HPSE: variants seen among roughly 807,000 people sequenced by gnomAD.
The protein encoded by HPSE is heparanase, also known as endo-glucoronidase.
HPSE carries 48 observed loss-of-function variants against 65.1 expected under a neutral mutation model. The ratio of observed to expected loss-of-function variants is 0.74; its 90% confidence interval spans 0.58 to 0.94. The LOEUF is 0.94. Ranked by LOEUF, HPSE falls within the 40% of genes least tolerant of loss-of-function variation. The pLI is 0.00. For synonymous variants in HPSE, 243 were observed against 260.0 expected, an observed-to-expected ratio of 0.93 and a Z score of 0.63; for missense variants, 644 against 637.5, an observed-to-expected ratio of 1.01 and a Z score of -0.11.
chr4:83,313,127 C>T lies in HPSE; in HGVS notation c.660G>A (p.Trp220Ter), dbSNP rs1466294156. 7.4e-6 allele frequency: 12 copies of T among 1,612,226 alleles called. No homozygotes were observed. ...YCSSKGYNIS[W>*]ELGNEPNSFL... ...TGGGGTACTCACCATTGCCTAGTTC[C>T]CAAGAAATGTTATACCCCTTGGAAG... is the stretch of plus-strand genomic sequence containing the variant. The change falls in exon 4 of 12, where the codon TGG becomes TGA. Residue 220 changes from tryptophan to a stop codon, truncating the protein, a stop_gained. Transcript: ENST00000311412. LOFTEE classifies it high-confidence loss of function.
In HPSE at chr4:83,313,250, G is replaced by A. The variant is rs1736488802; in HGVS notation, c.537C>T (p.Cys179=). The part of the protein sequence containing the change: ...SVDVLYTFAN[C]SGLDLIFGLN... ...GGCCAAAGATCAAGTCCAGTCCTGA[G>A]CAGTTTGCAAAAGTGTATAGCACAT... is the stretch of plus-strand genomic sequence containing the variant. The change falls in exon 4 of 12, where the codon TGC becomes TGT. Residue 179 remains cysteine, a synonymous_variant. Transcript: ENST00000311412. 7 of 1,613,760 alleles carry A rather than the reference G, an allele frequency of 4.3e-6. No individual in the cohort carries two copies. Among genetic ancestry groups the A allele is most frequent in the Non-Finnish European group, 5.9e-6 (7 of 1,179,930 alleles).
intron 11 of HPSE, among the ~76,000 whole-genome samples, chr4:83,299,133 G>A (rs1187790104): frequency 6.6e-6 from 1 of 151,912 alleles, no homozygotes; most frequent in Non-Finnish European, 1.5e-5. Flanking sequence ...GGAGGCTAAG[G>A]CAGGTGGATC....
At chr4:83,313,508 A>T (rs1337871322) in intron 3 of HPSE, among the ~76,000 whole-genome samples, 1 of 152,220 alleles carries the variant, frequency 6.6e-6, no homozygotes, top group African/African-American at 2.4e-5. Context: ...CCCATGGAAG[A>T]TACCAGAAGC....
intron 1 of HPSE, among the ~76,000 whole-genome samples, chr4:83,328,888 T>C (rs1485591532): frequency 2.6e-5 from 4 of 151,676 alleles, no homozygotes. Flanking sequence ...AGGGCAGAAA[T>C]GGAAGAAGCA....
intron 1 of HPSE, among the ~76,000 whole-genome samples, chr4:83,331,352 T>C (rs1737363695): frequency 6.6e-6 from 1 of 152,222 alleles, no homozygotes; most frequent in African/African-American, 2.4e-5. Flanking sequence ...ACATTTTGGA[T>C]CTATTGAACT....
In HPSE at chr4:83,293,839, C is replaced by T. The variant is rs1207674481; in HGVS notation, c.*1505G>A. On this transcript the variant is annotated 3_prime_UTR_variant, in exon 12 of 12. Coordinates refer to ENST00000311412, the MANE Select transcript of HPSE (RefSeq NM_001098540.3). ...AAAGAAGAAAATCAGCAAAATCTAG[C>T]TGTCTTTTAAGGTGCAAATAGATAG... 6.6e-6 allele frequency: 1 copy of T among 152,174 alleles called. No homozygotes were observed. Among genetic ancestry groups the T allele is most frequent in the African/African-American group, 2.4e-5 (1 of 41,438 alleles). 9.4% of individuals were successfully genotyped at this position (152,174 alleles called of 1,614,324 possible). A position where few individuals can be genotyped will look rare whatever the true frequency, so the allele number is the denominator to read the frequency against.
In HPSE at chr4:83,301,013, C is replaced by G. The variant is rs940160529; in HGVS notation, c.1419G>C (p.Lys473Asn). 3.1e-6 allele frequency: 5 copies of G among 1,609,066 alleles called. No homozygotes were observed. Among genetic ancestry groups the G allele is most frequent in the Non-Finnish European group, 4.2e-6 (5 of 1,176,512 alleles). Residue 473 changes from lysine (K) to asparagine (N), a missense_variant, in exon 11 of 12, where the codon AAG becomes AAC. Physicochemically the swap from Lys to Asn is moderately conservative, Grantham distance 94. Coordinates refer to ENST00000311412, the MANE Select transcript of HPSE (RefSeq NM_001098540.3). ...YLRLPYPFSN[K>N]QVDKYLLRPL... is the part of the protein sequence containing the mutation. ...GTCTTAGAAGGTATTTATCCACTTG[C>G]TTGTTAGAAAAAGGATAGGGTAACC...
chr4:83,322,108 G>A, intron 2 of HPSE, 111 bp downstream of exon 2: 1 of 855,976 alleles, frequency 1.2e-6, no homozygotes, highest in Non-Finnish European at 1.8e-6. Flanking sequence ...TGAGGGGAGA[G>A]GAAGTTAATC....
rs772045282 is a variant in HPSE at position 83,301,033 on chromosome 4, G to A, written c.1399C>T (p.Pro467Ser). 69 of 1,606,204 alleles carry A rather than the reference G, an allele frequency of 4.3e-5. No individual in the cohort carries two copies. Among genetic ancestry groups the A allele is most frequent in the Non-Finnish European group, 5.5e-5 (65 of 1,174,018 alleles). ...ACTTGCTTGTTAGAAAAAGGATAGG[G>A]TAACCGCAAGTACTTGGTGACATTA... ...LHNVTKYLRL[P>S]YPFSNKQVDK... Residue 467 changes from proline to serine, a missense_variant, in exon 11 of 12, where the codon CCC (proline) becomes TCC (serine). Transcript: ENST00000311412.
Position 83,310,703 on chromosome 4 carries a change from T to C in HPSE, c.842+19A>G. On this transcript the variant is annotated intron_variant, in intron 5 of 11. Coordinates refer to ENST00000311412, the MANE Select transcript of HPSE (RefSeq NM_001098540.3). ...AAAAAGAAGAAAAGTAAAGTGATTC[T>C]GCATCCTCTAGTTCCTACCTCTTCA... 6.3e-7 allele frequency: 1 copy of C among 1,584,086 alleles called. No individual in the cohort carries two copies. The highest frequency in any genetic ancestry group is 1.1e-5 in the South Asian group (1 of 87,658).
At position 83,310,754 on chromosome 4, in the gene HPSE, C is replaced by T; in HGVS notation, c.810G>A (p.Gln270=). Residue 270 remains glutamine (Q), a synonymous_variant, in exon 5 of 12, where the codon CAG becomes CAA. Transcript: ENST00000311412. ...NAKLYGPDVG[Q]PRRKTAKMLK... ...GCATCTTAGCCGTCTTTCTTCGAGG[C>T]TGACCAACATCAGGACCATAGAGTT... The T allele has an allele frequency of 1.2e-6, 2 of 1,613,546 alleles. No individual in the cohort carries two copies. Among genetic ancestry groups the T allele is most frequent in the Non-Finnish European group, 8.5e-7 (1 of 1,179,820 alleles).
chr4:83,334,592 T>C lies in HPSE; in HGVS notation c.191A>G (p.Asn64Ser). The change falls in exon 1 of 12, where the codon AAC becomes AGC. Residue 64 changes from asparagine (N) to serine (S), a missense_variant. Physicochemically the swap from Asn to Ser is conservative, Grantham distance 46. Coordinates refer to ENST00000311412, the MANE Select transcript of HPSE (RefSeq NM_001098540.3). Reference sequence around the variant, plus strand: ...GAGGAACCGCGGGTCCGTGGCCAGGTTGGCGTCAATGGTGACGGACAGGAA... The same window carrying C: ...GAGGAACCGCGGGTCCGTGGCCAGGCTGGCGTCAATGGTGACGGACAGGAA... ...PSFLSVTIDA[N>S]LATDPRFLIL... The C allele has an allele frequency of 6.3e-7, 1 of 1,591,844 alleles. No homozygotes were observed. The highest frequency in any genetic ancestry group is 8.6e-7 in the Non-Finnish European group (1 of 1,169,294).
chr4:83,322,202 T>A lies in HPSE; in HGVS notation c.373+17A>T, dbSNP rs1736926596. 3 of 1,604,794 alleles carry A rather than the reference T, an allele frequency of 1.9e-6. No homozygotes were observed. Among genetic ancestry groups the A allele is most frequent in the Non-Finnish European group, 1.7e-6 (2 of 1,173,364 alleles). On this transcript the variant is annotated intron_variant, in intron 2 of 11. Coordinates refer to ENST00000311412, the MANE Select transcript of HPSE (RefSeq NM_001098540.3). ...GACGTTAATTAAAATATAGAGTGAA[T>A]CTTTAAAAATTTTCACCCTGGTTGA...
At chr4:83,298,170 GT>G (rs1735802031) in intron 11 of HPSE, among the ~76,000 whole-genome samples, 1 of 152,280 alleles carries the variant, frequency 6.6e-6, no homozygotes, top group Admixed American at 6.5e-5. Context: ...TGGGTATAGT[GT>G]TTTATTTTAT....
chr4:83,320,217 C>A (rs753068202), intron 2 of HPSE, among the ~76,000 whole-genome samples: 1 of 151,872 alleles, frequency 6.6e-6, no homozygotes, highest in Non-Finnish European at 1.5e-5. Context: ...GACTTTTTTT[C>A]GCTTTGAATT....
Position 83,301,013 on chromosome 4 carries a change from CT to C in HPSE, c.1418del (p.Lys473SerfsTer8). On this transcript the variant is annotated frameshift_variant, in exon 11 of 12. Transcript: ENST00000311412. LOFTEE classifies it high-confidence loss of function. ...YLRLPYPFSN[K>X]QVDKYLLRPL... is the part of the protein sequence containing the mutation. ...GTCTTAGAAGGTATTTATCCACTTG[CT>C]TGTTAGAAAAAGGATAGGGTAACCG... 2 of 1,609,066 alleles carry C rather than the reference CT, an allele frequency of 1.2e-6. No individual in the cohort carries two copies. Among genetic ancestry groups the C allele is most frequent in the Non-Finnish European group, 1.7e-6 (2 of 1,176,512 alleles).
At chr4:83,299,408 T>C (rs1260585856) in intron 11 of HPSE, among the ~76,000 whole-genome samples, 1 of 145,600 alleles carries the variant, frequency 6.9e-6, no homozygotes, top group Non-Finnish European at 1.5e-5. Context: ...AGAAAATGTC[T>C]ACAGAGGCTA....
In HPSE at chr4:83,295,244, T is replaced by A; in HGVS notation, c.*100A>T. On this transcript the variant is annotated 3_prime_UTR_variant, in exon 12 of 12. Transcript: ENST00000311412. The stretch of plus-strand genomic sequence containing the variant: ...GTCCCAGTGTCTCTCAAGCACCCAC[T>A]AGTTGCTTTGCAAGGTATCTGCTTC... 1.0e-6 allele frequency: 1 copy of A among 972,242 alleles called. No homozygotes were observed. Among genetic ancestry groups the A allele is most frequent in the South Asian group, 1.7e-5 (1 of 60,152 alleles). The allele number at this position is 972,242 out of a possible 1,614,324, so 60.2% of individuals were successfully genotyped here.
At chr4:83,312,551 G>T (rs1736430833) in intron 4 of HPSE, among the ~76,000 whole-genome samples, 1 of 149,952 alleles carries the variant, frequency 6.7e-6, no homozygotes, top group Admixed American at 6.7e-5. Flanking sequence ...GGTGGCGGGT[G>T]CGTGTAGTCC....
Sources: allele counts gnomAD v4.1 joint callset (sites outside exome capture counted in the v4.1 genomes callset), GRCh38; gene constraint gnomAD v4.1.1; transcripts MANE v1.5; gene names NCBI Gene and HGNC (gene_info 2026-07-23, HGNC 2026-07-21).